Variants in SLC9B1 observed in about 807,000 individuals in gnomAD.
SLC9B1 encodes solute carrier family 9 member B1, also known as sodium/hydrogen exchanger 9B1.
In SLC9B1, 32 loss-of-function variants were observed where a neutral mutation model predicts 51.7. That is an observed-to-expected ratio of 0.62 (90% CI 0.47 to 0.83). The LOEUF (loss-of-function observed/expected upper bound fraction) is 0.83, where lower values mean the gene tolerates loss of function less well. Ranked by LOEUF, SLC9B1 falls within the 40% of genes least tolerant of loss-of-function variation. The probability of loss-of-function intolerance (pLI) is 0.00; values close to 1 mark genes in which losing one functional copy is unlikely to be tolerated. For synonymous variants in SLC9B1, 145 were observed against 212.7 expected, an observed-to-expected ratio of 0.68 and a Z score of 2.77; for missense variants, 406 against 613.2, an observed-to-expected ratio of 0.66 and a Z score of 3.57.
Position 102,949,386 on chromosome 4 carries a change from A to G in SLC9B1, c.253T>C (p.Leu85=), listed in dbSNP as rs756436439. ...CCACCAGGGAGAGCTTCAGAGCCTA[A>G]GATTGACCAGGTCATACACCATATC... ...FVIWCMTWSI[L]GSEALPGGNL... is the part of the protein sequence containing the mutation. The change falls in exon 4 of 12, where the codon TTA becomes CTA. Residue 85 remains leucine (L), a synonymous_variant. Coordinates refer to ENST00000296422, the MANE Select transcript of SLC9B1 (RefSeq NM_139173.4). The G allele has an allele frequency of 4.3e-6, 7 of 1,609,754 alleles. No individual in the cohort carries two copies. In the East Asian group the frequency reaches 1.3e-4, roughly 31 times the overall value.
At position 102,997,758 on chromosome 4, in the gene SLC9B1, G is replaced by C. The variant is rs556279917; in HGVS notation, c.-1-6046C>G. 2.6e-5 allele frequency among the ~76,000 whole-genome samples: 4 copies of C among 152,088 alleles called. No individual in the cohort carries two copies. In the South Asian group the frequency reaches 6.2e-4, roughly 24 times the overall value. On this transcript the variant is annotated intron_variant, in intron 1 of 11. Coordinates refer to ENST00000296422, the MANE Select transcript of SLC9B1 (RefSeq NM_139173.4). The stretch of plus-strand genomic sequence containing the variant: ...TTTGTTTTAATATAGATCTGTTGGC[G>C]ATAAATTCCTTATTTCTTTGCCTGA...
chr4:102,914,354 C>A (rs772884363), intron 7 of SLC9B1, among the ~76,000 whole-genome samples: 10 of 151,790 alleles, frequency 6.6e-5, no homozygotes, highest in Non-Finnish European at 1.5e-4. Context: ...GGCTGCATAA[C>A]CCTTCAACTG....
intron 1 of SLC9B1, among the ~76,000 whole-genome samples, chr4:102,995,533 A>G (rs1242440548): frequency 1.3e-5 from 2 of 152,210 alleles, no homozygotes; most frequent in African/African-American, 4.8e-5. Flanking sequence ...ATGTATTAGA[A>G]CTTCAAAACC....
chr4:102,986,006 A>G (rs531998393), intron 3 of SLC9B1, among the ~76,000 whole-genome samples: 21 of 152,280 alleles, frequency 1.4e-4, no homozygotes, highest in Admixed American at 1.0e-3. Context: ...TATCTATTAG[A>G]TAAATTAAGA....
intron 3 of SLC9B1, among the ~76,000 whole-genome samples, chr4:102,983,811 G>A (rs1199994294): frequency 6.6e-6 from 1 of 151,990 alleles, no homozygotes; most frequent in East Asian, 1.9e-4. Context: ...TATCAATTGT[G>A]TTGATCTTTT....
intron 3 of SLC9B1, among the ~76,000 whole-genome samples, chr4:102,955,699 G>A (rs1345882936): frequency 2.0e-5 from 3 of 151,898 alleles, no homozygotes; most frequent in Non-Finnish European, 2.9e-5. Context: ...GGGTCAATAG[G>A]TGCAGCAAAC....
At chr4:102,898,785 T>C (rs1189594801), downstream of SLC9B1, among the ~76,000 whole-genome samples, 1 of 152,244 alleles carries the variant, frequency 6.6e-6, no homozygotes, top group Non-Finnish European at 1.5e-5. Flanking sequence ...CGGAGTGCAG[T>C]GGCGTGATCT....
intron 7 of SLC9B1, among the ~76,000 whole-genome samples, chr4:102,921,555 T>A (rs898023937): frequency 1.3e-5 from 2 of 152,116 alleles, no homozygotes; most frequent in Non-Finnish European, 2.9e-5. Flanking sequence ...AATTCACACA[T>A]AACAATATTA....
Position 102,945,257 on chromosome 4 carries a change from T to C in SLC9B1, c.589A>G (p.Ser197Gly). ...LAVGPCLMEA[S>G]AAAVFSHFIM... ...AAGTGTGAAAAAACAGCAGCTGCAC[T>C]TGCCTCCATAAGGCATGGACCTACA... The change falls in exon 6 of 12, where the codon AGT becomes GGT. Residue 197 changes from serine (S) to glycine (G), a missense_variant. Transcript: ENST00000296422. The C allele has an allele frequency of 6.2e-7, 1 of 1,609,472 alleles. No homozygotes were observed. Among genetic ancestry groups the C allele is most frequent in the Non-Finnish European group, 8.5e-7 (1 of 1,176,664 alleles).
chr4:103,013,193 C>T (rs574914187), intron 1 of SLC9B1, among the ~76,000 whole-genome samples: 3 of 152,284 alleles, frequency 2.0e-5, no homozygotes, highest in African/African-American at 2.4e-5. Context: ...TTTCTTTTGA[C>T]CCAACATTTC....
At chr4:102,947,255 GAA>G (rs1294841999) in intron 4 of SLC9B1, among the ~76,000 whole-genome samples, 5 of 152,236 alleles carry the variant, frequency 3.3e-5, no homozygotes, top group African/African-American at 1.2e-4. Context: ...GAGCAAAAGA[GAA>G]AGTTTGGAGA....
At chr4:103,016,583 T>A (rs909612819) in intron 1 of SLC9B1, 1 of 152,132 alleles carries the variant, frequency 6.6e-6, no homozygotes, top group Non-Finnish European at 1.5e-5. Flanking sequence ...CTAAGCATGA[T>A]TCAGTACTGT....
intron 3 of SLC9B1, among the ~76,000 whole-genome samples, chr4:102,978,185 C>T (rs997410694): frequency 1.2e-4 from 18 of 152,140 alleles, no homozygotes; most frequent in African/African-American, 4.3e-4. Flanking sequence ...ATATGTGCCA[C>T]ATTTTCTTAA....
exon 12 of SLC9B1, chr4:102,885,272 C>G: frequency 6.2e-7 from 1 of 1,614,120 alleles, no homozygotes; most frequent in Non-Finnish European, 8.5e-7. Flanking sequence ...TCTTGGCTAC[C>G]TTGCAGTTCG....
At chr4:102,904,993 A>G (rs957688999) in intron 11 of SLC9B1, among the ~76,000 whole-genome samples, 2 of 151,344 alleles carry the variant, frequency 1.3e-5, no homozygotes, top group African/African-American at 4.9e-5. Context: ...CAAAAAAAAA[A>G]ACAATAAAAA....
intron 7 of SLC9B1, among the ~76,000 whole-genome samples, chr4:102,915,417 C>T (rs1469300616): frequency 2.6e-5 from 4 of 151,986 alleles, no homozygotes; most frequent in East Asian, 3.8e-4. Flanking sequence ...TTTTTTGAGA[C>T]AAAGTCTTGC....
Position 102,948,298 on chromosome 4 carries a change from C to T in SLC9B1, c.382+959G>A, listed in dbSNP as rs893542878. 5.4e-5 allele frequency among the ~76,000 whole-genome samples: 8 copies of T among 149,486 alleles called. No individual in the cohort carries two copies. In the South Asian group the frequency reaches 1.7e-3, roughly 32 times the overall value. On this transcript the variant is annotated intron_variant, in intron 4 of 11. Coordinates refer to ENST00000296422, the MANE Select transcript of SLC9B1 (RefSeq NM_139173.4). ...AACACATTCCATGAATCTAGTATCACAGTTATACCCGAATCAGGCAAAGCC... is the reference window on the plus strand; with the variant it reads ...AACACATTCCATGAATCTAGTATCATAGTTATACCCGAATCAGGCAAAGCC...
chr4:102,989,602 T>A (rs1027695438), intron 3 of SLC9B1, among the ~76,000 whole-genome samples, 198 bp downstream of exon 3: 2 of 152,008 alleles, frequency 1.3e-5, no homozygotes, highest in African/African-American at 4.8e-5. Context: ...ATACACCTCC[T>A]AGGCAATATT....
chr4:102,932,336 T>C, intron 6 of SLC9B1, 37 bp from the exon 7 acceptor site: 1 of 1,564,530 alleles, frequency 6.4e-7, no homozygotes, highest in Non-Finnish European at 8.7e-7. Flanking sequence ...AAAAGCATCT[T>C]TTAAATCAAG....
Sources: gnomAD v4.1 joint callset for allele counts (sites outside exome capture counted in the v4.1 genomes callset) on GRCh38, gnomAD v4.1.1 for gene constraint, MANE v1.5 for transcripts, NCBI Gene and HGNC (gene_info 2026-07-23, HGNC 2026-07-21) for gene names.